The following EFNA5 variants were observed in gnomAD, a reference collection of about 807,000 sequenced individuals.
EFNA5 encodes the protein ephrin A5, also known as ephrin-A5.
A neutral mutation model predicts 22.9 loss-of-function variants in EFNA5; 5 were observed. The observed-to-expected ratio is 0.22, with a 90% CI of 0.11 to 0.46. EFNA5 has a LOEUF of 0.46. EFNA5 is among the 20% of genes least tolerant of loss of function. EFNA5 has a pLI of 0.99. For missense variants in EFNA5, 237 were observed against 293.3 expected (o/e 0.81, Z 1.40); for synonymous variants, 113 against 112.2 (o/e 1.01, Z -0.04).
At position 107,620,989 on chromosome 5, in the gene EFNA5, G is replaced by A. The variant is rs1435139115; in HGVS notation, c.125+49500C>T. ...GAGAAAGAATGGAACATTAGGGAAG[G>A]GAAAGTAATTTGTTATGTCTAGAAA... On this transcript the variant is annotated intron_variant, in intron 1 of 4. Transcript: ENST00000333274. Among the ~76,000 whole-genome samples the A allele has an allele frequency of 2.0e-5, 3 of 152,232 alleles. No homozygotes were observed. In the South Asian group the frequency reaches 6.2e-4, roughly 32 times the overall value.
chr5:107,593,412 C>T (rs1004494053), intron 1 of EFNA5, among the ~76,000 whole-genome samples: 1 of 152,094 alleles, frequency 6.6e-6, no homozygotes, highest in Non-Finnish European at 1.5e-5. Flanking sequence ...CTAACGTGGT[C>T]GATAATGCCA....
At chr5:107,462,188 A>G (rs1228490789) in intron 1 of EFNA5, among the ~76,000 whole-genome samples, 1 of 152,154 alleles carries the variant, frequency 6.6e-6, no homozygotes, top group African/African-American at 2.4e-5. Flanking sequence ...CACTGCAAAG[A>G]GTGAAGAACT....
At chr5:107,547,261 G>C (rs967903841) in intron 1 of EFNA5, among the ~76,000 whole-genome samples, 1 of 152,162 alleles carries the variant, frequency 6.6e-6, no homozygotes, top group East Asian at 1.9e-4. Flanking sequence ...GGTCTTTTAA[G>C]CAAGGCATTT....
chr5:107,649,560 A>G (rs1470203987), intron 1 of EFNA5, among the ~76,000 whole-genome samples: 2 of 152,162 alleles, frequency 1.3e-5, no homozygotes. Flanking sequence ...TTCTCACTGA[A>G]TCAACACAAT....
chr5:107,578,770 A>G (rs1257878855), intron 1 of EFNA5, among the ~76,000 whole-genome samples: 1 of 152,186 alleles, frequency 6.6e-6, no homozygotes, highest in East Asian at 1.9e-4. Context: ...AAAGGACATG[A>G]TGGCAACATG....
chr5:107,491,404 C>G (rs1440253651), intron 1 of EFNA5, among the ~76,000 whole-genome samples: 1 of 152,114 alleles, frequency 6.6e-6, no homozygotes, highest in Non-Finnish European at 1.5e-5. Flanking sequence ...CTCTGCCTCC[C>G]GGGTTCAAGT....
intron 1 of EFNA5, among the ~76,000 whole-genome samples, chr5:107,578,243 C>T (rs891956973): frequency 1.3e-5 from 2 of 152,080 alleles, no homozygotes; most frequent in Admixed American, 6.5e-5. Context: ...CAAAGCACCA[C>T]GTAATTAAAC....
chr5:107,476,325 T>C (rs1038530033), intron 1 of EFNA5, among the ~76,000 whole-genome samples: 2 of 151,720 alleles, frequency 1.3e-5, no homozygotes, highest in Non-Finnish European at 2.9e-5. Context: ...AGTGCTGGGA[T>C]TACAGGAGTG....
intron 2 of EFNA5, among the ~76,000 whole-genome samples, chr5:107,412,752 C>T (rs920412022): frequency 6.6e-6 from 1 of 152,138 alleles, no homozygotes; most frequent in Non-Finnish European, 1.5e-5. Flanking sequence ...TCTTCATCCT[C>T]ACCACTGTAG....
intron 1 of EFNA5, among the ~76,000 whole-genome samples, chr5:107,665,828 AG>A (rs1751054229): frequency 6.6e-6 from 1 of 152,168 alleles, no homozygotes; most frequent in Non-Finnish European, 1.5e-5. Context: ...TAGATTAAAA[AG>A]GGGGGAGGGT....
chr5:107,597,667 A>G (rs772482181), intron 1 of EFNA5, among the ~76,000 whole-genome samples: 3 of 152,186 alleles, frequency 2.0e-5, no homozygotes, highest in Non-Finnish European at 4.4e-5. Context: ...AACACTGAAA[A>G]TTAAGTGTAC....
intron 1 of EFNA5, among the ~76,000 whole-genome samples, chr5:107,513,261 GGA>G (rs145077941): frequency 2.7e-5 from 4 of 150,708 alleles, no homozygotes; most frequent in African/African-American, 4.9e-5. Flanking sequence ...AGAGGGAGAG[GGA>G]GAGAGAGAGA....
At chr5:107,545,917 T>C (rs1355979953) in intron 1 of EFNA5, among the ~76,000 whole-genome samples, 2 of 152,140 alleles carry the variant, frequency 1.3e-5, no homozygotes, top group Non-Finnish European at 2.9e-5. Context: ...ATTTTGTCTG[T>C]AGCAGTTTGA....
intron 1 of EFNA5, among the ~76,000 whole-genome samples, chr5:107,494,211 C>G (rs1216478268): frequency 6.6e-6 from 1 of 152,130 alleles, no homozygotes; most frequent in South Asian, 2.1e-4. Context: ...TGGCCAAGAC[C>G]GGAGCCCGCT....
chr5:107,448,660 C>T (rs1411917971), intron 1 of EFNA5, among the ~76,000 whole-genome samples: 2 of 151,744 alleles, frequency 1.3e-5, no homozygotes, highest in African/African-American at 4.8e-5. Flanking sequence ...GAAACCCCAT[C>T]TCTACTAAAA....
chr5:107,403,024 G>A (rs1446955932), intron 2 of EFNA5, among the ~76,000 whole-genome samples: 1 of 152,202 alleles, frequency 6.6e-6, no homozygotes, highest in Non-Finnish European at 1.5e-5. Flanking sequence ...GCCAACAAAT[G>A]GCCAGCGTGC....
intron 1 of EFNA5, among the ~76,000 whole-genome samples, chr5:107,453,699 A>G (rs890252294): frequency 6.6e-6 from 1 of 152,204 alleles, no homozygotes; most frequent in Admixed American, 6.6e-5. Context: ...ATGAGAAATC[A>G]CAAATTCAAG....
At chr5:107,455,917 T>C (rs1222483139) in intron 1 of EFNA5, among the ~76,000 whole-genome samples, 2 of 152,208 alleles carry the variant, frequency 1.3e-5, no homozygotes, top group Non-Finnish European at 2.9e-5. Flanking sequence ...CTGCCCTGAC[T>C]GGGTGCAGCC....
At chr5:107,569,560 TA>T (rs1300753603) in intron 1 of EFNA5, among the ~76,000 whole-genome samples, 120 of 8,192 alleles carry the variant, frequency 0.015, 1 homozygote, top group African/African-American at 0.018. Context: ...TATATATATT[TA>T]TATATATATA....
Sources: allele counts gnomAD v4.1 joint callset (sites outside exome capture counted in the v4.1 genomes callset), GRCh38; gene constraint gnomAD v4.1.1; transcripts MANE v1.5; gene names NCBI Gene and HGNC (gene_info 2026-07-23, HGNC 2026-07-21).